GPHN: variants seen among roughly 807,000 people sequenced by gnomAD.
The protein encoded by GPHN is gephyrin.
GPHN carries 17 observed loss-of-function variants against 95.5 expected under a neutral mutation model. The ratio of observed to expected loss-of-function variants is 0.18; its 90% CI spans 0.12 to 0.27. The LOEUF (loss-of-function observed/expected upper bound fraction) is 0.27. Ranked by LOEUF, GPHN falls within the 10% of genes least tolerant of loss-of-function variation. The pLI, the probability that GPHN is intolerant of heterozygous loss-of-function variation, is 1.00. For synonymous variants in GPHN, 320 were observed against 322.5 expected (o/e 0.99, Z 0.08); for missense variants, 660 against 978.1 (o/e 0.67, Z 4.34).
At chr14:67,322,549 CTA>C in the GPHN span, among the ~76,000 whole-genome samples, 1 of 152,120 alleles carries the variant, frequency 6.6e-6, no homozygotes, top group Non-Finnish European at 1.5e-5. Context: ...AGAATTGACT[CTA>C]AAATGGCTAT....
chr14:67,647,830 A>C, the GPHN span: 1 of 560,650 alleles, frequency 1.8e-6, no homozygotes, highest in African/African-American at 1.9e-5. Context: ...ATGCAGAACA[A>C]ATGGCAGTAT....
the GPHN span, among the ~76,000 whole-genome samples, chr14:67,420,846 A>G: frequency 1.3e-5 from 2 of 152,244 alleles, 1 homozygote; most frequent in Middle Eastern, 6.3e-3. Context: ...GCAATTGAGA[A>G]TATGTTTCCA....
chr14:67,598,569 A>G, the GPHN span, among the ~76,000 whole-genome samples: 1 of 152,160 alleles, frequency 6.6e-6, no homozygotes, highest in African/African-American at 2.4e-5. Context: ...CATTTAATAA[A>G]TATCTATTTC....
At chr14:67,455,127 G>A in the GPHN span, among the ~76,000 whole-genome samples, 1 of 152,206 alleles carries the variant, frequency 6.6e-6, no homozygotes, top group Non-Finnish European at 1.5e-5. Context: ...TGGGATTATA[G>A]GCATGAGCCA....
chr14:66,570,534 G>A (rs953837258), intron 1 of GPHN, among the ~76,000 whole-genome samples: 1 of 152,056 alleles, frequency 6.6e-6, no homozygotes, highest in African/African-American at 2.4e-5. Flanking sequence ...TTGAACTCCT[G>A]ATCTCAGGCG....
chr14:67,578,545 C>A, the GPHN span: 1 of 1,609,554 alleles, frequency 6.2e-7, no homozygotes, highest in East Asian at 2.2e-5. The surrounding 1 kb of genome is among the most constrained non-coding windows in gnomAD (Gnocchi z 5.0). Context: ...GCTGGCAGCT[C>A]CTCGCTCTGT....
chr14:67,389,594 A>G, the GPHN span, among the ~76,000 whole-genome samples: 1 of 152,188 alleles, frequency 6.6e-6, no homozygotes, highest in Non-Finnish European at 1.5e-5. Context: ...ATATATGTAT[A>G]TATGTATATT....
At chr14:67,644,602 A>AT in the GPHN span, among the ~76,000 whole-genome samples, 1 of 152,148 alleles carries the variant, frequency 6.6e-6, no homozygotes, top group East Asian at 1.9e-4. Flanking sequence ...GCTTTCCAAC[A>AT]TTTATTTCAT....
chr14:66,744,138 C>G (rs2153442582), intron 2 of GPHN, among the ~76,000 whole-genome samples: 1 of 152,268 alleles, frequency 6.6e-6, no homozygotes, highest in South Asian at 2.1e-4. Context: ...CTGTAGCCTT[C>G]TGCCTATAAC....
the GPHN span, among the ~76,000 whole-genome samples, chr14:67,431,966 T>C: frequency 2.0e-5 from 3 of 152,244 alleles, no homozygotes; most frequent in Non-Finnish European, 4.4e-5. Context: ...AATGTGTTCA[T>C]GTTGCGCTCA....
chr14:67,470,333 C>T, the GPHN span: 1 of 152,342 alleles, frequency 6.6e-6, no homozygotes, highest in African/African-American at 2.4e-5. Flanking sequence ...GAGGGACCAA[C>T]GGAGACACAG....
the GPHN span, among the ~76,000 whole-genome samples, chr14:67,319,310 A>C: frequency 6.6e-6 from 1 of 152,138 alleles, no homozygotes; most frequent in African/African-American, 2.4e-5. Context: ...GCAGGCTACT[A>C]GTTATCTGCT....
intron 1 of GPHN, among the ~76,000 whole-genome samples, chr14:66,546,010 C>A (rs1264154238): frequency 6.7e-6 from 1 of 150,138 alleles, no homozygotes; most frequent in East Asian, 2.0e-4. Flanking sequence ...CCTCACTTCT[C>A]AGACGGGGCG....
the GPHN span, among the ~76,000 whole-genome samples, chr14:67,525,917 C>G: frequency 6.6e-6 from 1 of 152,164 alleles, no homozygotes; most frequent in African/African-American, 2.4e-5. Flanking sequence ...GAGAGTTTCC[C>G]CAATGGCCAG....
At chr14:67,194,787 A>T in the GPHN span, among the ~76,000 whole-genome samples, 1 of 152,188 alleles carries the variant, frequency 6.6e-6, no homozygotes, top group Non-Finnish European at 1.5e-5. Flanking sequence ...TCTCTCGAGT[A>T]GCTGGGATTA....
At chr14:66,983,929 G>A (rs2070854103) in intron 9 of GPHN, among the ~76,000 whole-genome samples, 2 of 152,124 alleles carry the variant, frequency 1.3e-5, no homozygotes, top group African/African-American at 2.4e-5. Flanking sequence ...CTAAGGGAAT[G>A]CTACTTTAAA....
At chr14:67,709,654 T>G in the GPHN span, among the ~76,000 whole-genome samples, 7 of 152,218 alleles carry the variant, frequency 4.6e-5, no homozygotes, top group Non-Finnish European at 8.8e-5. Flanking sequence ...AGCTTTAATT[T>G]CTGGCCCTGT....
intron 1 of GPHN, among the ~76,000 whole-genome samples, chr14:66,605,324 T>C (rs2062470611): frequency 6.6e-6 from 1 of 152,120 alleles, no homozygotes; most frequent in Admixed American, 6.5e-5. Context: ...CAAGAGTGTA[T>C]ATGTGTTCCC....
chr14:67,060,031 G>A (rs2075760481), intron 11 of GPHN, among the ~76,000 whole-genome samples: 1 of 151,914 alleles, frequency 6.6e-6, no homozygotes. Context: ...CAGAAAATAT[G>A]AATGTAAACT....
Sources: gnomAD v4.1 joint callset for allele counts (sites outside exome capture counted in the v4.1 genomes callset) on GRCh38, gnomAD v4.1.1 for gene constraint, Gnocchi (gnomAD v3.1) non-coding constraint, MANE v1.5 for transcripts, NCBI Gene and HGNC (gene_info 2026-07-23, HGNC 2026-07-21) for gene names.